CASZ1: variants seen among roughly 807,000 people sequenced by gnomAD.
CASZ1 encodes castor zinc finger 1, also known as zinc finger protein castor homolog 1.
Under a neutral mutation model 135.2 loss-of-function variants are expected in CASZ1, and 28 were observed. That is an observed-to-expected ratio of 0.21 (90% confidence interval 0.15 to 0.28). The LOEUF (loss-of-function observed/expected upper bound fraction) is 0.28. Among genes scored for constraint, CASZ1 ranks in the 10% least tolerant of loss-of-function variants. CASZ1 has a pLI of 1.00. For missense variants in CASZ1, 2,161 were observed against 2,453.3 expected, an observed-to-expected ratio of 0.88 and a Z score of 2.52; for synonymous variants, 1,068 against 1,073.4, an observed-to-expected ratio of 0.99 and a Z score of 0.10.
intron 2 of CASZ1, among the ~76,000 whole-genome samples, chr1:10,729,105 G>A (rs1639650700): frequency 6.8e-6 from 1 of 148,120 alleles, no homozygotes; most frequent in Non-Finnish European, 1.5e-5. Context: ...GAGTGGGGAG[G>A]AGAGGGAAGG....
chr1:10,675,475 G>A (rs1176961360), intron 4 of CASZ1, among the ~76,000 whole-genome samples: 1 of 152,082 alleles, frequency 6.6e-6, no homozygotes, highest in East Asian at 1.9e-4. Context: ...GGCCTGGGTG[G>A]GGAGGCTTCA....
At chr1:10,667,653 G>A (rs115471606) in intron 4 of CASZ1, among the ~76,000 whole-genome samples, 1 of 152,230 alleles carries the variant, frequency 6.6e-6, no homozygotes, top group African/African-American at 2.4e-5. Context: ...GAAGGGAAGG[G>A]GGGAGTGGGG....
intron 2 of CASZ1, among the ~76,000 whole-genome samples, chr1:10,737,795 G>A (rs541906027): frequency 1.3e-5 from 2 of 152,214 alleles, no homozygotes; most frequent in African/African-American, 4.8e-5. Context: ...CGAGGTGCTC[G>A]GAGGGCTGTG....
chr1:10,658,657 G>T, intron 6 of CASZ1, 81 bp from the exon 7 acceptor site: 1 of 1,234,152 alleles, frequency 8.1e-7, no homozygotes, highest in Non-Finnish European at 1.2e-6. Context: ...GGCAGCCCCT[G>T]CCCTGAGGCC....
At chr1:10,742,261 G>C (rs937480773) in intron 2 of CASZ1, among the ~76,000 whole-genome samples, 2 of 152,246 alleles carry the variant, frequency 1.3e-5, no homozygotes. Flanking sequence ...AGGGGGCGGA[G>C]GAGAGGGGAA....
intron 4 of CASZ1, among the ~76,000 whole-genome samples, chr1:10,674,847 C>A (rs950330312): frequency 5.9e-5 from 9 of 152,222 alleles, no homozygotes; most frequent in Non-Finnish European, 1.2e-4. Context: ...CCTCACCTGC[C>A]CCAGCCATCC....
chr1:10,645,576 C>T (rs903397804), intron 17 of CASZ1, among the ~76,000 whole-genome samples: 1 of 152,218 alleles, frequency 6.6e-6, no homozygotes, highest in Non-Finnish European at 1.5e-5. Context: ...AGCATCCTAG[C>T]CTGGTAACCT....
At chr1:10,730,750 A>G (rs545934485) in intron 2 of CASZ1, among the ~76,000 whole-genome samples, 6 of 152,332 alleles carry the variant, frequency 3.9e-5, no homozygotes, top group Admixed American at 3.9e-4. Flanking sequence ...CCTTGACGGC[A>G]TCCTAATACT....
At chr1:10,768,501 A>G (rs576314683) in intron 1 of CASZ1, among the ~76,000 whole-genome samples, 2 of 152,300 alleles carry the variant, frequency 1.3e-5, no homozygotes, top group African/African-American at 4.8e-5. Context: ...TAGAGACATG[A>G]GCCACTGCAC....
At chr1:10,743,766 C>T (rs1330896188) in intron 2 of CASZ1, among the ~76,000 whole-genome samples, 6 of 148,398 alleles carry the variant, frequency 4.0e-5, no homozygotes, top group Admixed American at 6.7e-5. Flanking sequence ...ACCCCGATCC[C>T]GTGACGGGAG....
intron 5 of CASZ1, among the ~76,000 whole-genome samples, chr1:10,664,490 C>T (rs978818707): frequency 1.3e-5 from 2 of 152,096 alleles, no homozygotes; most frequent in African/African-American, 2.4e-5. Flanking sequence ...TAAGAGGATA[C>T]GCTGGCCGGG....
At chr1:10,728,745 G>A (rs1302559576) in intron 2 of CASZ1, among the ~76,000 whole-genome samples, 7 of 151,946 alleles carry the variant, frequency 4.6e-5, no homozygotes, top group South Asian at 2.1e-4. Flanking sequence ...AACTGTGACC[G>A]ACCGTCACAT....
At chr1:10,683,047 C>T (rs1638478171) in intron 4 of CASZ1, among the ~76,000 whole-genome samples, 2 of 152,258 alleles carry the variant, frequency 1.3e-5, no homozygotes, top group Non-Finnish European at 1.5e-5. Flanking sequence ...CTGGAAGTCA[C>T]CAATCTGTCT....
intron 1 of CASZ1, among the ~76,000 whole-genome samples, chr1:10,768,453 A>G (rs1423009168): frequency 6.6e-6 from 1 of 152,120 alleles, no homozygotes; most frequent in African/African-American, 2.4e-5. Context: ...CCTGACCTCA[A>G]GTTAGCTGCC....
chr1:10,755,445 T>A lies in CASZ1; in HGVS notation c.-77+5256A>T, dbSNP rs926634214. Among the ~76,000 whole-genome samples the A allele has an allele frequency of 6.6e-6, 1 of 152,058 alleles. No homozygotes were observed. The highest frequency in any genetic ancestry group is 2.4e-5 in the African/African-American group (1 of 41,398). The stretch of plus-strand genomic sequence containing the variant: ...GACAGAGGCAGGGCAGAGGCGCTTC[T>A]CTCTTCGTCCACCACACCGCGTCAA... On this transcript the variant is annotated intron_variant, in intron 2 of 20. Transcript: ENST00000377022. This position sits in a 1 kb window ranked among gnomAD's most constrained non-coding sequence, Gnocchi z 4.3.
Position 10,646,035 on chromosome 1 carries a change from C to A in CASZ1, c.3696+93G>T. The stretch of plus-strand genomic sequence containing the variant: ...AATAAGCAAGGTGTGAGAAATGGAG[C>A]CTCTGCCAGGAGGTGACTGTCCTGT... On this transcript the variant is annotated intron_variant, in intron 17 of 20. Coordinates refer to ENST00000377022, the MANE Select transcript of CASZ1 (RefSeq NM_001079843.3). This position sits in a 1 kb window ranked among gnomAD's most constrained non-coding sequence, Gnocchi z 6.4. 1 of 1,217,066 alleles carries A rather than the reference C, an allele frequency of 8.2e-7. No homozygotes were observed. Among genetic ancestry groups the A allele is most frequent in the Non-Finnish European group, 1.2e-6 (1 of 835,946 alleles). The allele number at this position is 1,217,066 out of a possible 1,614,324, so 75.4% of individuals were successfully genotyped here.
chr1:10,757,257 G>A lies in CASZ1; in HGVS notation c.-77+3444C>T, dbSNP rs912636882. On this transcript the variant is annotated intron_variant, in intron 2 of 20. Coordinates refer to ENST00000377022, the MANE Select transcript of CASZ1 (RefSeq NM_001079843.3). This position sits in a 1 kb window ranked among gnomAD's most constrained non-coding sequence, Gnocchi z 4.6. ...CAGGAGAGAGAGGAGAAGACACAGA[G>A]CCACAAATCCGCGGGCACAGAATGC... Among the ~76,000 whole-genome samples the A allele has an allele frequency of 6.6e-6, 1 of 152,158 alleles. No homozygotes were observed. The highest frequency in any genetic ancestry group is 1.9e-4 in the East Asian group (1 of 5,200).
At chr1:10,715,109 G>C (rs983259086) in intron 2 of CASZ1, among the ~76,000 whole-genome samples, 1 of 152,196 alleles carries the variant, frequency 6.6e-6, no homozygotes, top group Non-Finnish European at 1.5e-5. Context: ...TACTCTCCGA[G>C]TCAGCCCACC....
At chr1:10,744,161 C>T (rs952996073) in intron 2 of CASZ1, among the ~76,000 whole-genome samples, 1 of 152,042 alleles carries the variant, frequency 6.6e-6, no homozygotes, top group Non-Finnish European at 1.5e-5. Flanking sequence ...CCTCCCCACC[C>T]GTAAAAACAG....
Sources: allele counts gnomAD v4.1 joint callset (sites outside exome capture counted in the v4.1 genomes callset), GRCh38; gene constraint gnomAD v4.1.1; non-coding constraint Gnocchi (gnomAD v3.1); transcripts MANE v1.5; gene names NCBI Gene and HGNC (gene_info 2026-07-23, HGNC 2026-07-21).